The following SLC38A9 variants were observed in gnomAD, a reference collection of about 807,000 sequenced individuals.
SLC38A9 encodes the protein neutral amino acid transporter 9.
In SLC38A9, 48 loss-of-function variants were observed where a neutral mutation model predicts 62.3. The ratio of observed to expected loss-of-function variants is 0.77; its 90% CI spans 0.61 to 0.98. The LOEUF is 0.98. Ranked by LOEUF, SLC38A9 falls within the 50% of genes least tolerant of loss-of-function variation. The pLI, the probability that SLC38A9 is intolerant of heterozygous loss-of-function variation, is 0.00. For missense variants in SLC38A9, 541 were observed against 679.8 expected (o/e 0.80, Z 2.27); for synonymous variants, 204 against 227.7 (o/e 0.90, Z 0.94).
intron 3 of SLC38A9, chr5:55,694,249 A>T (rs1222721392): frequency 8.9e-6 from 2 of 225,138 alleles, no homozygotes; most frequent in African/African-American, 4.6e-5. Context: ...TGACAATATG[A>T]TAGTAGTTAT....
intron 9 of SLC38A9, among the ~76,000 whole-genome samples, chr5:55,653,730 C>T (rs1445951467): frequency 6.6e-6 from 1 of 151,932 alleles, no homozygotes; most frequent in Non-Finnish European, 1.5e-5. Context: ...GCGATCTCGG[C>T]TCACTGCAAC....
intron 8 of SLC38A9, among the ~76,000 whole-genome samples, chr5:55,657,146 T>C (rs951551906): frequency 2.0e-5 from 3 of 152,152 alleles, no homozygotes; most frequent in African/African-American, 7.2e-5. Flanking sequence ...GCCCAGCCTA[T>C]AAAAATCTTT....
chr5:55,630,562 C>T (rs1415062466), intron 14 of SLC38A9, among the ~76,000 whole-genome samples: 5 of 152,098 alleles, frequency 3.3e-5, no homozygotes, highest in South Asian at 2.1e-4. Context: ...ATGATCCACC[C>T]GCCTTGGCCT....
chr5:55,687,143 T>C (rs1318344930), intron 3 of SLC38A9, among the ~76,000 whole-genome samples: 1 of 151,800 alleles, frequency 6.6e-6, no homozygotes, highest in Non-Finnish European at 1.5e-5. Context: ...TATGTATTTT[T>C]AAAAGTTTTT....
intron 15 of SLC38A9, 50 bp downstream of exon 15, chr5:55,627,841 A>C: frequency 8.7e-7 from 1 of 1,153,232 alleles, no homozygotes; most frequent in Non-Finnish European, 1.3e-6. Flanking sequence ...GAAAAGCCTG[A>C]AAATAAAGAC....
chr5:55,661,859 A>G (rs1024032486), intron 8 of SLC38A9, among the ~76,000 whole-genome samples: 1 of 152,214 alleles, frequency 6.6e-6, no homozygotes. Context: ...AACCCGATAG[A>G]AAAATGGGCA....
At chr5:55,687,562 CTA>C (rs1754092056) in intron 3 of SLC38A9, among the ~76,000 whole-genome samples, 1 of 151,586 alleles carries the variant, frequency 6.6e-6, no homozygotes, top group Non-Finnish European at 1.5e-5. Context: ...TTCTTCCTAT[CTA>C]TGAGCATATG....
intron 7 of SLC38A9, among the ~76,000 whole-genome samples, chr5:55,666,288 TA>T (rs1003581613): frequency 8.5e-5 from 13 of 152,194 alleles, no homozygotes; most frequent in African/African-American, 3.1e-4. Context: ...ATTATATTAG[TA>T]ATATAAACTT....
At chr5:55,709,749 T>C (rs903550109) in intron 2 of SLC38A9, among the ~76,000 whole-genome samples, 1 of 152,110 alleles carries the variant, frequency 6.6e-6, no homozygotes, top group African/African-American at 2.4e-5. Flanking sequence ...AAATATATAG[T>C]ATTTAAGATT....
intron 8 of SLC38A9, among the ~76,000 whole-genome samples, chr5:55,659,821 A>G (rs902516973): frequency 3.3e-5 from 5 of 151,858 alleles, no homozygotes; most frequent in African/African-American, 1.2e-4. Context: ...GCTGGAGTGC[A>G]GTGGCACGGT....
At position 55,633,762 on chromosome 5, in the gene SLC38A9, A is replaced by T; in HGVS notation, c.1422T>A (p.Ile474=). Residue 474 remains isoleucine, a synonymous_variant, in exon 14 of 16, where the codon ATT becomes ATA. Transcript: ENST00000396865. Reference sequence around the variant, plus strand: ...AAGAGAAGAGCCCTTACCTAGGATAAATGTCACCGAAGATATGGCCCAAAA... The same window carrying T: ...AAGAGAAGAGCCCTTACCTAGGATATATGTCACCGAAGATATGGCCCAAAA... ...VQLLGHIFGD[I]YPSIFHVLIL... is the part of the protein sequence containing the mutation. 1.9e-6 allele frequency: 3 copies of T among 1,614,168 alleles called. No individual in the cohort carries two copies. In the South Asian group the frequency reaches 3.3e-5, roughly 18 times the overall value.
intron 3 of SLC38A9, among the ~76,000 whole-genome samples, chr5:55,691,917 C>T (rs1754805710): frequency 6.6e-6 from 1 of 152,184 alleles, no homozygotes; most frequent in Non-Finnish European, 1.5e-5. Context: ...TAGTTAGACC[C>T]CAGTTCCACT....
chr5:55,693,830 G>A (rs1755061112), intron 3 of SLC38A9, among the ~76,000 whole-genome samples: 3 of 152,170 alleles, frequency 2.0e-5, no homozygotes, highest in Admixed American at 1.3e-4. Flanking sequence ...GGAGGGCAAG[G>A]TGGGAGGATT....
chr5:55,701,496 A>T (rs1368040618), intron 2 of SLC38A9, among the ~76,000 whole-genome samples: 1 of 152,168 alleles, frequency 6.6e-6, no homozygotes, highest in South Asian at 2.1e-4. Context: ...TTTTCCTTCA[A>T]ATATATCCAG....
chr5:55,652,615 C>T lies in SLC38A9; in HGVS notation c.866G>A (p.Arg289Lys). ...QQFEKWWDKS[R>K]TVPFYLVGLL... ...CCCTACAAGATAAAAGGGGACTGTC[C>T]TGGACTTATCCCACCACTTTTCAAA... Residue 289 changes from arginine (R) to lysine (K), a missense_variant, in exon 10 of 16, where the codon AGG (arginine) becomes AAG (lysine). Physicochemically the swap from Arg to Lys is conservative, Grantham distance 26. Coordinates refer to ENST00000396865, the MANE Select transcript of SLC38A9 (RefSeq NM_173514.4). 6.2e-7 allele frequency: 1 copy of T among 1,613,788 alleles called. No homozygotes were observed. The highest frequency in any genetic ancestry group is 8.5e-7 in the Non-Finnish European group (1 of 1,179,842).
chr5:55,626,719 G>A, intron 15 of SLC38A9, 60 bp from the exon 16 acceptor site: 4 of 1,407,182 alleles, frequency 2.8e-6, no homozygotes, highest in South Asian at 3.2e-5. Context: ...TTACAATTAA[G>A]GTAAACATAG....
chr5:55,637,176 A>G (rs1744541341), intron 12 of SLC38A9, among the ~76,000 whole-genome samples: 1 of 152,218 alleles, frequency 6.6e-6, no homozygotes, highest in South Asian at 2.1e-4. Flanking sequence ...AGCTCTCTGT[A>G]AAGTGGGACA....
intron 3 of SLC38A9, chr5:55,691,376 G>A (rs1754716673): frequency 2.2e-6 from 3 of 1,368,018 alleles, no homozygotes; most frequent in Non-Finnish European, 1.9e-6. Flanking sequence ...AAGGGGTTAA[G>A]TCTGAGTGAA....
chr5:55,679,772 T>C (rs1752729570), intron 3 of SLC38A9, among the ~76,000 whole-genome samples: 1 of 152,288 alleles, frequency 6.6e-6, no homozygotes. Context: ...GAAAGAGCAG[T>C]TCCAAATGGG....
Sources: allele counts gnomAD v4.1 joint callset (sites outside exome capture counted in the v4.1 genomes callset), GRCh38; gene constraint gnomAD v4.1.1; transcripts MANE v1.5; gene names NCBI Gene and HGNC (gene_info 2026-07-23, HGNC 2026-07-21).